The following SKI variants were observed in gnomAD, a reference collection of about 807,000 sequenced individuals.
SKI encodes the protein ski oncogene.
SKI carries 23 observed loss-of-function variants against 59.3 expected under a neutral mutation model. The observed-to-expected ratio is 0.39, with a 90% CI of 0.28 to 0.55. SKI has a LOEUF of 0.55. Among genes scored for constraint, SKI ranks in the 20% least tolerant of loss-of-function variants. The pLI is 0.67. For missense variants in SKI, 1,017 were observed against 1,038.9 expected (o/e 0.98, Z 0.29); for synonymous variants, 673 against 488.6 (o/e 1.38, Z -4.98).
chr1:2,232,809 T>G (rs1258842083), intron 1 of SKI: 1 of 152,360 alleles, frequency 6.6e-6, no homozygotes, highest in African/African-American at 2.4e-5. Context: ...TGGGGACTAC[T>G]GTTTATTGAT....
rs1638578545 is a variant in SKI at position 2,229,353 on chromosome 1, C to T, written c.587C>T (p.Pro196Leu). The change falls in exon 1 of 7, where the codon CCG becomes CTG. Residue 196 changes from proline (P) to leucine (L), a missense_variant. By Grantham distance (98) the Pro-to-Leu change is moderately conservative. Transcript: ENST00000378536. This position sits in a 1 kb window ranked among gnomAD's most constrained non-coding sequence, Gnocchi z 6.3. ...GCGCTGCTCTACGGCGGCGCCTACC[C>T]GCCGCCCTGCAAGAAGGAGCTGGCC... ...CNALLYGGAYPPPCKKELAAS... is the reference protein window; with the variant it reads ...CNALLYGGAYLPPCKKELAAS... 1 of 1,596,308 alleles carries T rather than the reference C, an allele frequency of 6.3e-7. No individual in the cohort carries two copies. Among genetic ancestry groups the T allele is most frequent in the Non-Finnish European group, 8.5e-7 (1 of 1,171,756 alleles).
At chr1:2,297,095 A>G (rs1569846013) in intron 1 of SKI, among the ~76,000 whole-genome samples, 1 of 151,782 alleles carries the variant, frequency 6.6e-6, no homozygotes, top group African/African-American at 2.4e-5. Flanking sequence ...ATGTGGCAAG[A>G]TGGTCTGAAA....
Position 2,298,708 on chromosome 1 carries a change from G to C in SKI, c.970-4270G>C, listed in dbSNP as rs142247971. On this transcript the variant is annotated intron_variant, in intron 1 of 6. Coordinates refer to ENST00000378536, the MANE Select transcript of SKI (RefSeq NM_003036.4). ...CCAGGCAGACCACATCCCAGGTGAG[G>C]TGCAGACATTCAGAGACAGACGTGG... is the stretch of plus-strand genomic sequence containing the variant. 3.6e-4 allele frequency among the ~76,000 whole-genome samples: 55 copies of C among 152,330 alleles called. No individual in the cohort carries two copies. In the East Asian group the frequency reaches 8.9e-3, roughly 25 times the overall value.
chr1:2,279,944 T>C (rs1426138453), intron 1 of SKI, among the ~76,000 whole-genome samples: 1 of 151,820 alleles, frequency 6.6e-6, no homozygotes, highest in African/African-American at 2.4e-5. Context: ...AGTTTTAGAG[T>C]AGGGTTTGTT....
chr1:2,292,609 G>A (rs1042290624), intron 1 of SKI, among the ~76,000 whole-genome samples: 3 of 152,186 alleles, frequency 2.0e-5, no homozygotes, highest in South Asian at 2.1e-4. Flanking sequence ...GCTGTCTCTG[G>A]GCTGTGGTCA....
intron 1 of SKI, among the ~76,000 whole-genome samples, chr1:2,291,791 A>C (rs1289263915): frequency 6.6e-6 from 1 of 152,198 alleles, no homozygotes; most frequent in Non-Finnish European, 1.5e-5. Flanking sequence ...TTCCTTAGAA[A>C]GATTTGGCTT....
intron 1 of SKI, among the ~76,000 whole-genome samples, chr1:2,285,793 T>G (rs763537138): frequency 6.0e-5 from 9 of 151,180 alleles, no homozygotes; most frequent in Non-Finnish European, 8.8e-5. Context: ...CTCGAACACC[T>G]GACCTCACAT....
chr1:2,230,008 C>T (rs1424311483), intron 1 of SKI, among the ~76,000 whole-genome samples: 2 of 152,220 alleles, frequency 1.3e-5, no homozygotes, highest in South Asian at 2.1e-4. Context: ...TGGGGAAGGC[C>T]CGCAGGCCCA....
intron 1 of SKI, among the ~76,000 whole-genome samples, chr1:2,293,724 G>A (rs538599703): frequency 3.9e-5 from 6 of 152,256 alleles, no homozygotes; most frequent in East Asian, 1.9e-4. Flanking sequence ...TGGGATCCCC[G>A]TGCAAGGCCC....
At position 2,228,749 on chromosome 1, in the gene SKI, G is replaced by A. The variant is rs1260677268; in HGVS notation, c.-18G>A. 1.7e-6 allele frequency: 2 copies of A among 1,146,612 alleles called. No individual in the cohort carries two copies. The highest frequency in any genetic ancestry group is 3.3e-5 in the African/African-American group (2 of 60,116). The allele number at this position is 1,146,612 out of a possible 1,614,324, so 71.0% of individuals were successfully genotyped here. A position where few individuals can be genotyped will look rare whatever the true frequency, so the allele number is the denominator to read the frequency against. ...GGGCGCGCGGGAGCGGGAGCGGCCG[G>A]GGGAGCCGGAGCGCACCATGGAGGC... On this transcript the variant is annotated 5_prime_UTR_variant, in exon 1 of 7. Transcript: ENST00000378536.
Position 2,283,463 on chromosome 1 carries a change from G to A in SKI, c.970-19515G>A, listed in dbSNP as rs916088498. On this transcript the variant is annotated intron_variant, in intron 1 of 6. Transcript: ENST00000378536. ...CTTGGAGAGGTGTTGGCTTTCTAGG[G>A]AGGGCCCTGTGATTCTCCTGCAACC... 9.2e-5 allele frequency among the ~76,000 whole-genome samples: 14 copies of A among 152,338 alleles called. No homozygotes were observed. The East Asian group carries it at 2.7e-3, about 29-fold the overall frequency.
chr1:2,235,725 A>G (rs1391214003), intron 1 of SKI, among the ~76,000 whole-genome samples: 1 of 152,238 alleles, frequency 6.6e-6, no homozygotes. Flanking sequence ...ATGAAGAACC[A>G]GGACTTGAGT....
chr1:2,270,082 C>G lies in SKI; in HGVS notation c.970-32896C>G, dbSNP rs1639584130. ...GCTGCCGATGGATGAGCCTGCCTGT[C>G]CCCCACGGATTGGAGTTTTGCCCAG... On this transcript the variant is annotated intron_variant, in intron 1 of 6. Transcript: ENST00000378536. This position sits in a 1 kb window ranked among gnomAD's most constrained non-coding sequence, Gnocchi z 4.1. 6.6e-6 allele frequency among the ~76,000 whole-genome samples: 1 copy of G among 152,092 alleles called. No homozygotes were observed.
At chr1:2,283,340 C>G (rs1639955318) in intron 1 of SKI, among the ~76,000 whole-genome samples, 1 of 147,482 alleles carries the variant, frequency 6.8e-6, no homozygotes, top group Non-Finnish European at 1.5e-5. Flanking sequence ...GGCAAGGACT[C>G]AGAGCCTCAG....
chr1:2,242,651 C>G (rs76700500), intron 1 of SKI, among the ~76,000 whole-genome samples: 2 of 152,232 alleles, frequency 1.3e-5, no homozygotes, highest in African/African-American at 2.4e-5. Flanking sequence ...TCCTGAGTAG[C>G]CGGGACTGTA....
At chr1:2,278,622 TC>T (rs1267438761) in intron 1 of SKI, among the ~76,000 whole-genome samples, 1 of 151,616 alleles carries the variant, frequency 6.6e-6, no homozygotes, top group Non-Finnish European at 1.5e-5. Context: ...TCCTGTGTCT[TC>T]CCATGGTGAG....
intron 1 of SKI, among the ~76,000 whole-genome samples, chr1:2,279,654 C>G (rs574613465): frequency 6.6e-6 from 1 of 152,150 alleles, no homozygotes; most frequent in South Asian, 2.1e-4. Flanking sequence ...GGAGAGTGTT[C>G]TCCTGCCCAC....
At position 2,306,566 on chromosome 1, in the gene SKI, CT is replaced by C. The variant is rs1640588536; in HGVS notation, c.1999-10del. On this transcript the variant is annotated splice_polypyrimidine_tract_variant and intron_variant, in intron 6 of 6. Coordinates refer to ENST00000378536, the MANE Select transcript of SKI (RefSeq NM_003036.4). ...CGAGCAGGCGCCGCTGACCACTCGG[CT>C]CCCTTTCAGATCGAAGACCTGCAGG... The C allele has an allele frequency of 1.9e-6, 3 of 1,540,278 alleles. No individual in the cohort carries two copies. Among genetic ancestry groups the C allele is most frequent in the African/African-American group, 2.8e-5 (2 of 72,602 alleles).
chr1:2,290,985 G>A (rs374668335), intron 1 of SKI, among the ~76,000 whole-genome samples: 36 of 152,290 alleles, frequency 2.4e-4, no homozygotes, highest in Middle Eastern at 3.4e-3. Flanking sequence ...TTTGGCGAGG[G>A]TGGCAGGCAG....
Sources: allele counts gnomAD v4.1 joint callset (sites outside exome capture counted in the v4.1 genomes callset), GRCh38; gene constraint gnomAD v4.1.1; non-coding constraint Gnocchi (gnomAD v3.1); transcripts MANE v1.5; gene names NCBI Gene and HGNC (gene_info 2026-07-23, HGNC 2026-07-21).